Variants in PDGFD observed in about 807,000 individuals in gnomAD.
The protein encoded by PDGFD is platelet derived growth factor D.
Under a neutral mutation model 44.7 loss-of-function variants are expected in PDGFD, and 30 were observed. The ratio of observed to expected loss-of-function variants is 0.67; its 90% CI spans 0.50 to 0.91. PDGFD has a LOEUF of 0.91. Among genes scored for constraint, PDGFD ranks in the 40% least tolerant of loss-of-function variants. The pLI, the probability that PDGFD is intolerant of heterozygous loss-of-function variation, is 0.00. For missense variants in PDGFD, 445 were observed against 457.8 expected (o/e 0.97, Z 0.25); for synonymous variants, 173 against 168.4 (o/e 1.03, Z -0.21).
chr11:104,031,022 C>T (rs1363265566), intron 1 of PDGFD, among the ~76,000 whole-genome samples: 3 of 152,094 alleles, frequency 2.0e-5, no homozygotes, highest in African/African-American at 7.2e-5. Context: ...ATGTAATACG[C>T]AAAACGATCA....
At chr11:103,940,682 C>A (rs1192569363) in intron 5 of PDGFD, among the ~76,000 whole-genome samples, 1 of 152,090 alleles carries the variant, frequency 6.6e-6, no homozygotes, top group Non-Finnish European at 1.5e-5. Flanking sequence ...GTGATACATG[C>A]AGGTGATTCA....
intron 1 of PDGFD, among the ~76,000 whole-genome samples, chr11:104,132,457 T>A (rs1861938687): frequency 6.6e-6 from 1 of 152,102 alleles, no homozygotes; most frequent in Non-Finnish European, 1.5e-5. Flanking sequence ...TCTTTGGGTT[T>A]CCTGTAAACT....
At chr11:104,107,020 G>C (rs1413524666) in intron 1 of PDGFD, among the ~76,000 whole-genome samples, 4 of 152,056 alleles carry the variant, frequency 2.6e-5, no homozygotes, top group African/African-American at 9.7e-5. Flanking sequence ...GCTGGGATTA[G>C]AGGCGTGAGC....
At chr11:104,115,504 G>A (rs575810811) in intron 1 of PDGFD, among the ~76,000 whole-genome samples, 31 of 151,912 alleles carry the variant, frequency 2.0e-4, no homozygotes, top group Non-Finnish European at 3.7e-4. Context: ...ACATGTGTGC[G>A]CAAGCATCTT....
In PDGFD at chr11:104,013,439, CTG is replaced by C. The variant is rs1282418509; in HGVS notation, c.125-13186_125-13185del. ...AATTGTAACACACCCCTAGATGCTA[CTG>C]TGTGGCTGGAGCCCAAAAGCACTCA... On this transcript the variant is annotated intron_variant, in intron 1 of 6. Coordinates refer to ENST00000393158, the MANE Select transcript of PDGFD (RefSeq NM_025208.5). Among the ~76,000 whole-genome samples the C allele has an allele frequency of 6.6e-5, 10 of 152,242 alleles. No homozygotes were observed. The East Asian group carries it at 1.2e-3, about 18-fold the overall frequency.
chr11:103,946,956 A>T lies in PDGFD; in HGVS notation c.573+706T>A, dbSNP rs891331781. 3.3e-5 allele frequency among the ~76,000 whole-genome samples: 5 copies of T among 152,244 alleles called. No homozygotes were observed. In the East Asian group the frequency reaches 9.6e-4, roughly 29 times the overall value. On this transcript the variant is annotated intron_variant, in intron 4 of 6. Coordinates refer to ENST00000393158, the MANE Select transcript of PDGFD (RefSeq NM_025208.5). ...ACTCAGCCACACGGACCTACTCAGA[A>T]CCATGGGCAAGCTTTCTCTATGTTC...
chr11:104,102,863 G>A (rs1422158187), intron 1 of PDGFD, among the ~76,000 whole-genome samples: 7 of 152,132 alleles, frequency 4.6e-5, no homozygotes, highest in Admixed American at 2.6e-4. Flanking sequence ...TCAGTCATAG[G>A]TGAGAAATGA....
At position 103,996,247 on chromosome 11, in the gene PDGFD, T is replaced by C; in HGVS notation, c.330-2A>G. 6.2e-7 allele frequency: 1 copy of C among 1,604,920 alleles called. No homozygotes were observed. Among genetic ancestry groups the C allele is most frequent in the Non-Finnish European group, 8.5e-7 (1 of 1,174,714 alleles). On this transcript the variant is annotated splice_acceptor_variant, in intron 2 of 6. Transcript: ENST00000393158. LOFTEE classifies it high-confidence loss of function. ...TCTTCAACTTCCACAAAATCATACC[T>C]AGAATCAATTGGACATAATGAACAA...
chr11:104,038,024 A>T (rs762998360), intron 1 of PDGFD: 3 of 1,604,180 alleles, frequency 1.9e-6, no homozygotes, highest in Non-Finnish European at 8.5e-7. Context: ...AGCACGTTAT[A>T]AATATGTTAC....
At chr11:104,010,551 T>C (rs1029034266) in intron 1 of PDGFD, among the ~76,000 whole-genome samples, 1 of 152,132 alleles carries the variant, frequency 6.6e-6, no homozygotes, top group African/African-American at 2.4e-5. Flanking sequence ...TTGTATTTTA[T>C]AGGTAATTAC....
chr11:104,004,145 C>T (rs923123467), intron 1 of PDGFD, among the ~76,000 whole-genome samples: 6 of 152,150 alleles, frequency 3.9e-5, no homozygotes, highest in Non-Finnish European at 8.8e-5. Context: ...AAGGTATTAA[C>T]TCTGGTTATA....
chr11:103,990,794 G>T (rs917416109), intron 3 of PDGFD, among the ~76,000 whole-genome samples: 2 of 152,016 alleles, frequency 1.3e-5, no homozygotes, highest in African/African-American at 4.8e-5. Flanking sequence ...TGGGTGTTCC[G>T]AATAGTCAAT....
chr11:103,995,917 A>C (rs1414826844), intron 3 of PDGFD, 148 bp downstream of exon 3: 2 of 658,876 alleles, frequency 3.0e-6, no homozygotes, highest in Non-Finnish European at 4.9e-6. Context: ...GAAGGATTTT[A>C]ACATTTTGAC....
At chr11:103,967,844 C>T (rs1859044448) in intron 3 of PDGFD, among the ~76,000 whole-genome samples, 1 of 152,162 alleles carries the variant, frequency 6.6e-6, no homozygotes, top group Non-Finnish European at 1.5e-5. Context: ...TTCCTTGATT[C>T]TAACCTTCTC....
At chr11:104,016,458 C>G (rs1050810318) in intron 1 of PDGFD, among the ~76,000 whole-genome samples, 31 of 152,352 alleles carry the variant, frequency 2.0e-4, no homozygotes, top group Middle Eastern at 6.8e-3. Flanking sequence ...AGAATCTGGG[C>G]ATATTCTCAG....
chr11:103,993,096 G>C (rs1020682260), intron 3 of PDGFD, among the ~76,000 whole-genome samples: 1 of 152,022 alleles, frequency 6.6e-6, no homozygotes, highest in East Asian at 1.9e-4. Flanking sequence ...TTTAGACAGG[G>C]TCTCACTCTG....
intron 6 of PDGFD, among the ~76,000 whole-genome samples, chr11:103,923,386 C>T (rs560036826): frequency 4.6e-5 from 7 of 152,256 alleles, no homozygotes; most frequent in East Asian, 1.9e-4. Context: ...ATATTAGCTT[C>T]GTTAGAAGCT....
chr11:103,967,898 C>T (rs546925306), intron 3 of PDGFD, among the ~76,000 whole-genome samples: 1 of 152,280 alleles, frequency 6.6e-6, no homozygotes, highest in South Asian at 2.1e-4. Context: ...TACACTCAAG[C>T]TTCTTGAAAC....
intron 1 of PDGFD, among the ~76,000 whole-genome samples, chr11:104,099,904 C>T (rs191040303): frequency 6.4e-4 from 97 of 152,128 alleles, no homozygotes; most frequent in Non-Finnish European, 7.9e-4. Context: ...AAGAATAACA[C>T]GGATTGCTTT....
Sources: allele counts gnomAD v4.1 joint callset (sites outside exome capture counted in the v4.1 genomes callset), GRCh38; gene constraint gnomAD v4.1.1; transcripts MANE v1.5; gene names NCBI Gene and HGNC (gene_info 2026-07-23, HGNC 2026-07-21).